Variants in CSMD1 observed in about 807,000 individuals in gnomAD.
CSMD1 encodes the protein CUB and Sushi multiple domains 1.
A neutral mutation model predicts 417.5 loss-of-function variants in CSMD1; 213 were observed. The ratio of observed to expected loss-of-function variants is 0.51; its 90% CI spans 0.46 to 0.57. CSMD1 has a LOEUF of 0.57. CSMD1 is among the 20% of genes least tolerant of loss of function. CSMD1 has a pLI of 0.00. For missense variants in CSMD1, 6,923 were observed against 4,529.7 expected, an observed-to-expected ratio of 1.53 and a Z score of -15.17; for synonymous variants, 2,862 against 1,736.8, an observed-to-expected ratio of 1.65 and a Z score of -16.11.
chr8:4,384,069 C>T (rs1406356162), intron 3 of CSMD1, among the ~76,000 whole-genome samples: 1 of 151,806 alleles, frequency 6.6e-6, no homozygotes, highest in Admixed American at 6.6e-5. Context: ...TTTTTTGCAC[C>T]GTCTCAGATG....
chr8:2,977,821 A>G (rs1451356217), intron 55 of CSMD1, among the ~76,000 whole-genome samples: 1 of 152,226 alleles, frequency 6.6e-6, no homozygotes, highest in Non-Finnish European at 1.5e-5. Context: ...AAACATATGA[A>G]AAAAGCTCAA....
intron 2 of CSMD1, among the ~76,000 whole-genome samples, chr8:4,472,707 T>A (rs892388299): frequency 6.6e-6 from 1 of 152,044 alleles, no homozygotes; most frequent in Admixed American, 6.5e-5. Context: ...ATGAGCATAT[T>A]AGGTGTAAAC....
intron 7 of CSMD1, among the ~76,000 whole-genome samples, chr8:3,703,127 A>G (rs1453251582): frequency 1.3e-5 from 2 of 152,192 alleles, no homozygotes; most frequent in African/African-American, 4.8e-5. Context: ...TTCAAACATT[A>G]CTGATTACAA....
intron 26 of CSMD1, among the ~76,000 whole-genome samples, chr8:3,271,395 A>T (rs1193443437): frequency 1.3e-5 from 2 of 151,912 alleles, no homozygotes. Context: ...ACATACGTGT[A>T]CATGTGTCTT....
At chr8:3,050,958 T>G (rs1422559837) in intron 50 of CSMD1, among the ~76,000 whole-genome samples, 1 of 152,142 alleles carries the variant, frequency 6.6e-6, no homozygotes. Flanking sequence ...CAGATACTGG[T>G]GAGGCAGTGG....
intron 3 of CSMD1, among the ~76,000 whole-genome samples, chr8:4,238,469 T>G (rs180775910): frequency 9.2e-5 from 14 of 152,288 alleles, no homozygotes; most frequent in Admixed American, 8.5e-4. Flanking sequence ...GGGAGCACAC[T>G]GCCTTAGGGT....
intron 1 of CSMD1, among the ~76,000 whole-genome samples, chr8:4,897,960 C>G (rs1804614685): frequency 6.6e-6 from 1 of 152,002 alleles, no homozygotes; most frequent in African/African-American, 2.4e-5. Flanking sequence ...TTATAATATG[C>G]TTAGTTTTAA....
chr8:4,340,853 C>G (rs1013173780), intron 3 of CSMD1, among the ~76,000 whole-genome samples: 1 of 152,054 alleles, frequency 6.6e-6, no homozygotes, highest in Non-Finnish European at 1.5e-5. Context: ...GCTAATTACA[C>G]TGTACTATTT....
chr8:3,453,610 A>T (rs536583418), intron 12 of CSMD1, among the ~76,000 whole-genome samples: 1 of 152,308 alleles, frequency 6.6e-6, no homozygotes, highest in African/African-American at 2.4e-5. Context: ...GTTTCCATGT[A>T]ACTGAGTAGT....
chr8:3,344,666 T>C (rs1807872533), intron 22 of CSMD1, among the ~76,000 whole-genome samples: 1 of 152,176 alleles, frequency 6.6e-6, no homozygotes, highest in Non-Finnish European at 1.5e-5. Context: ...AGAGTCTTAG[T>C]AGGCTCTTCC....
chr8:3,868,388 T>C (rs2129110405), intron 5 of CSMD1, among the ~76,000 whole-genome samples: 1 of 152,174 alleles, frequency 6.6e-6, no homozygotes, highest in South Asian at 2.1e-4. Context: ...AGGCCACAGG[T>C]CCCTGCTGTG....
intron 5 of CSMD1, among the ~76,000 whole-genome samples, chr8:3,914,393 A>G (rs1000013968): frequency 1.3e-5 from 2 of 151,796 alleles, no homozygotes; most frequent in African/African-American, 4.8e-5. Context: ...GGGTACAGAT[A>G]AAGATGTTTG....
chr8:4,255,633 G>A (rs368818465), intron 3 of CSMD1, among the ~76,000 whole-genome samples: 40 of 152,208 alleles, frequency 2.6e-4, no homozygotes, highest in Admixed American at 1.2e-3. Flanking sequence ...CAACAACCTC[G>A]CACTGCATCA....
intron 3 of CSMD1, among the ~76,000 whole-genome samples, chr8:4,227,369 TTAAGAACCCTATTCTATCCACTTA>T (rs1801422894): frequency 6.6e-6 from 1 of 152,098 alleles, no homozygotes. Flanking sequence ...GTCTAACATT[TTAAGAACCCTATTCTATCCACTTA>T]TAAGAACCCT....
At chr8:3,545,357 A>T (rs1226292884) in intron 10 of CSMD1, among the ~76,000 whole-genome samples, 1 of 152,236 alleles carries the variant, frequency 6.6e-6, no homozygotes, top group Non-Finnish European at 1.5e-5. Context: ...TCCAATACTT[A>T]ACATATTCTT....
rs573214309 is a variant in CSMD1, at chr8:4,413,277, C to T, written c.415+6676G>A. Among the ~76,000 whole-genome samples the T allele has an allele frequency of 5.9e-5, 9 of 152,302 alleles. No homozygotes were observed. In the South Asian group the frequency reaches 1.9e-3, roughly 32 times the overall value. On this transcript the variant is annotated intron_variant, in intron 3 of 69. Transcript: ENST00000635120. The stretch of plus-strand genomic sequence containing the variant: ...CTTTCCTTTCCTTGAGGCTGATCCT[C>T]AATGACACAGCTTCTCCTTGGGCTC...
intron 12 of CSMD1, among the ~76,000 whole-genome samples, chr8:3,466,844 G>A (rs1429849774): frequency 6.6e-6 from 1 of 152,034 alleles, no homozygotes; most frequent in African/African-American, 2.4e-5. Context: ...TCAACTGTTA[G>A]CTTAATATAG....
chr8:4,246,929 G>A (rs575738027), intron 3 of CSMD1, among the ~76,000 whole-genome samples: 1 of 152,168 alleles, frequency 6.6e-6, no homozygotes, highest in Non-Finnish European at 1.5e-5. Context: ...CTTTGTAAGA[G>A]AGAATGTAGA....
At chr8:3,755,861 G>T (rs958194204) in intron 5 of CSMD1, among the ~76,000 whole-genome samples, 2 of 152,040 alleles carry the variant, frequency 1.3e-5, no homozygotes, top group African/African-American at 4.8e-5. Flanking sequence ...TTGGATTTAT[G>T]TAGTACTGGC....
Sources: gnomAD v4.1 joint callset for allele counts (sites outside exome capture counted in the v4.1 genomes callset) on GRCh38, gnomAD v4.1.1 for gene constraint, MANE v1.5 for transcripts, NCBI Gene and HGNC (gene_info 2026-07-23, HGNC 2026-07-21) for gene names.